Variants in THOC5 observed in about 807,000 individuals in gnomAD.
THOC5 encodes the protein THO complex subunit 5.
THOC5 carries 43 observed loss-of-function variants against 92.9 expected under a neutral mutation model. The observed-to-expected ratio is 0.46, with a 90% CI of 0.36 to 0.60. The LOEUF (loss-of-function observed/expected upper bound fraction) is 0.60. THOC5 is among the 20% of genes least tolerant of loss of function. THOC5 has a pLI of 0.00. For synonymous variants in THOC5, 296 were observed against 320.1 expected, an observed-to-expected ratio of 0.92 and a Z score of 0.80; for missense variants, 659 against 849.4, an observed-to-expected ratio of 0.78 and a Z score of 2.79.
rs190793974 is a variant in THOC5, at chr22:29,515,807, G to A, written c.1681+1222C>T. On this transcript the variant is annotated intron_variant, in intron 17 of 19. Coordinates refer to ENST00000490103, the MANE Select transcript of THOC5 (RefSeq NM_003678.5). ...GACTGAGCCACTGTACTCCAGTCTA[G>A]GCAACAGAGCAAGACCCTGTCTCAA... is the stretch of plus-strand genomic sequence containing the variant. 3.7e-3 allele frequency among the ~76,000 whole-genome samples: 570 copies of A among 152,120 alleles called. 1 individual carries two copies. The highest frequency in any genetic ancestry group is 4.3e-3 in the Non-Finnish European group (290 of 68,010).
chr22:29,514,727 C>T (rs773715512), intron 17 of THOC5, among the ~76,000 whole-genome samples: 7 of 146,934 alleles, frequency 4.8e-5, no homozygotes, highest in East Asian at 2.1e-4. Context: ...TTTTTTGAGA[C>T]GGAGTCTTGC....
chr22:29,514,819 C>A (rs1366914188), intron 17 of THOC5, among the ~76,000 whole-genome samples: 1 of 151,120 alleles, frequency 6.6e-6, no homozygotes, highest in Non-Finnish European at 1.5e-5. Context: ...AATTCTCCTG[C>A]CTCAGACTCC....
intron 15 of THOC5, among the ~76,000 whole-genome samples, chr22:29,517,958 T>C (rs1212372684): frequency 6.6e-6 from 1 of 151,788 alleles, no homozygotes; most frequent in Non-Finnish European, 1.5e-5. Flanking sequence ...CCATGTGGAG[T>C]CTAAGAACTG....
chr22:29,549,306 G>C, intron 1 of THOC5, 148 bp from the exon 2 acceptor site: 1 of 659,396 alleles, frequency 1.5e-6, no homozygotes, highest in Non-Finnish European at 2.6e-6. Context: ...ATACAACAGG[G>C]AAGCATCTCT....
intron 1 of THOC5, among the ~76,000 whole-genome samples, chr22:29,550,168 T>TA (rs1423408537): frequency 6.6e-6 from 1 of 152,096 alleles, no homozygotes; most frequent in Non-Finnish European, 1.5e-5. Context: ...TTGCTCCTTA[T>TA]AACAAACTTT....
chr22:29,517,157 C>G (rs1238821693), intron 16 of THOC5, 41 bp from the exon 17 acceptor site: 2 of 1,612,190 alleles, frequency 1.2e-6, no homozygotes, highest in Non-Finnish European at 1.7e-6. Flanking sequence ...CTGCTGGCTC[C>G]TCTGGTTAAA....
chr22:29,537,532 A>T (rs1235113026), intron 6 of THOC5, among the ~76,000 whole-genome samples: 1 of 152,038 alleles, frequency 6.6e-6, no homozygotes, highest in Non-Finnish European at 1.5e-5. Context: ...CCAGCTACTC[A>T]GGAGGCTGAG....
chr22:29,525,728 C>T, intron 12 of THOC5, 110 bp downstream of exon 12: 1 of 747,742 alleles, frequency 1.3e-6, no homozygotes, highest in Non-Finnish European at 2.2e-6. Flanking sequence ...CAAGTCAACA[C>T]AGCCGTAGCC....
At chr22:29,523,342 G>A (rs2063482167) in intron 12 of THOC5, among the ~76,000 whole-genome samples, 1 of 152,062 alleles carries the variant, frequency 6.6e-6, no homozygotes, top group African/African-American at 2.4e-5. Context: ...CTAGGCAACA[G>A]TTGTCAAGAC....
chr22:29,538,392 C>T (rs2063804287), intron 6 of THOC5, among the ~76,000 whole-genome samples: 1 of 152,180 alleles, frequency 6.6e-6, no homozygotes, highest in South Asian at 2.1e-4. Flanking sequence ...TGCACAACCT[C>T]CTGAAATAGT....
At chr22:29,537,895 AAAAT>A (rs955276785) in intron 6 of THOC5, among the ~76,000 whole-genome samples, 14 of 152,230 alleles carry the variant, frequency 9.2e-5, no homozygotes, top group African/African-American at 3.1e-4. Flanking sequence ...CTGTGTCAAA[AAAAT>A]AAATAAATAA....
chr22:29,527,755 C>T (rs980310911), intron 11 of THOC5, among the ~76,000 whole-genome samples: 3 of 152,188 alleles, frequency 2.0e-5, no homozygotes, highest in Admixed American at 6.5e-5. Flanking sequence ...GTTCTACTTA[C>T]ATTTATTAAA....
chr22:29,542,342 G>C (rs1032215156), intron 5 of THOC5, among the ~76,000 whole-genome samples: 1 of 152,124 alleles, frequency 6.6e-6, no homozygotes, highest in African/African-American at 2.4e-5. Context: ...AACTCAAAAA[G>C]GTCAGAGAGA....
At chr22:29,520,817 C>T (rs1318352609) in intron 13 of THOC5, among the ~76,000 whole-genome samples, 181 bp downstream of exon 13, 2 of 152,162 alleles carry the variant, frequency 1.3e-5, no homozygotes, top group East Asian at 3.9e-4. Flanking sequence ...TTTGATCCTT[C>T]CACCCTTTTT....
chr22:29,519,239 T>C, intron 14 of THOC5, 119 bp from the exon 15 acceptor site: 1 of 613,036 alleles, frequency 1.6e-6, no homozygotes, highest in Non-Finnish European at 2.9e-6. Flanking sequence ...CCAAGATGGG[T>C]ACCCTTTAGA....
At chr22:29,535,985 C>T (rs550421253) in intron 7 of THOC5, 1 of 152,308 alleles carries the variant, frequency 6.6e-6, no homozygotes, top group South Asian at 2.1e-4. Flanking sequence ...AACAACTCTC[C>T]TTCTACGCTT....
At chr22:29,537,901 AATAAATAAATAG>A (rs1316277918) in intron 6 of THOC5, among the ~76,000 whole-genome samples, 7 of 152,238 alleles carry the variant, frequency 4.6e-5, no homozygotes, top group Non-Finnish European at 8.8e-5. Flanking sequence ...CAAAAAAATA[AATAAATAAATAG>A]ATAAATAAAT....
At chr22:29,516,919 G>T in intron 17 of THOC5, 110 bp downstream of exon 17, 2 of 975,290 alleles carry the variant, frequency 2.1e-6, no homozygotes, top group Non-Finnish European at 1.6e-6. Context: ...ATTATTATCT[G>T]TTAAGTCCTT....
intron 1 of THOC5, among the ~76,000 whole-genome samples, 194 bp from the exon 2 acceptor site, chr22:29,549,352 A>C (rs1425522154): frequency 1.3e-5 from 2 of 152,100 alleles, no homozygotes; most frequent in Non-Finnish European, 2.9e-5. Flanking sequence ...TTCTCTTTTA[A>C]AAAGGCATCA....
Sources: gnomAD v4.1 joint callset for allele counts (sites outside exome capture counted in the v4.1 genomes callset) on GRCh38, gnomAD v4.1.1 for gene constraint, MANE v1.5 for transcripts, NCBI Gene and HGNC (gene_info 2026-07-23, HGNC 2026-07-21) for gene names.